Variants in HEATR5B observed in about 807,000 individuals in gnomAD.
HEATR5B encodes HEAT repeat containing 5B.
A neutral mutation model predicts 224.1 loss-of-function variants in HEATR5B; 156 were observed. That is an observed-to-expected ratio of 0.70 (90% confidence interval 0.61 to 0.80). The LOEUF is 0.80. Ranked by LOEUF, HEATR5B falls within the 30% of genes least tolerant of loss-of-function variation. The pLI is 0.00. For synonymous variants in HEATR5B, 1,027 were observed against 893.0 expected (o/e 1.15, Z -2.68); for missense variants, 2,323 against 2,535.5 (o/e 0.92, Z 1.80).
rs1219389762 is a variant in HEATR5B at position 37,002,468 on chromosome 2, G to A, written c.5155C>T (p.Leu1719=). The change falls in exon 32 of 36, where the codon CTG becomes TTG. Residue 1719 remains leucine (L), a synonymous_variant. Coordinates refer to ENST00000233099, the MANE Select transcript of HEATR5B (RefSeq NM_019024.3). The part of the protein sequence containing the change: ...KSLVFATMEL[L]MFILVRHMPH... The stretch of plus-strand genomic sequence containing the variant: ...ATATGCCGTACTAAAATGAACATCA[G>A]CAGCTCCATAGTTGCAAACACAAGA... 5.0e-6 allele frequency: 8 copies of A among 1,614,074 alleles called. No homozygotes were observed. Among genetic ancestry groups the A allele is most frequent in the South Asian group, 1.1e-5 (1 of 91,092 alleles).
At chr2:37,070,205 T>C (rs751239430) in intron 7 of HEATR5B, 25 bp downstream of exon 7, 1 of 1,612,032 alleles carries the variant, frequency 6.2e-7, no homozygotes, top group Non-Finnish European at 8.5e-7. Context: ...TGGCCAAAAT[T>C]CTTTCACACA....
chr2:36,996,313 CCT>C (rs1219228875), intron 33 of HEATR5B, among the ~76,000 whole-genome samples: 1 of 151,986 alleles, frequency 6.6e-6, no homozygotes, highest in Non-Finnish European at 1.5e-5. Context: ...CCTGCCTTGG[CCT>C]CTCAAAGTGT....
Position 36,981,462 on chromosome 2 carries a change from C to T in HEATR5B, c.*28G>A. The T allele has an allele frequency of 6.4e-7, 1 of 1,567,318 alleles. No homozygotes were observed. Among genetic ancestry groups the T allele is most frequent in the Non-Finnish European group, 8.7e-7 (1 of 1,151,372 alleles). ...TCACTAATTAGGGGCTAGTTGACAA[C>T]ATAAATACAAATAAATGAAATTACA... On this transcript the variant is annotated 3_prime_UTR_variant, in exon 36 of 36. Coordinates refer to ENST00000233099, the MANE Select transcript of HEATR5B (RefSeq NM_019024.3).
intron 30 of HEATR5B, among the ~76,000 whole-genome samples, 195 bp from the exon 31 acceptor site, chr2:37,003,881 G>A (rs909265197): frequency 6.6e-6 from 1 of 152,050 alleles, no homozygotes; most frequent in African/African-American, 2.4e-5. Context: ...GTATTTTCAA[G>A]CAACAAATGA....
At chr2:36,991,546 G>C (rs994170067) in intron 33 of HEATR5B, among the ~76,000 whole-genome samples, 1 of 148,508 alleles carries the variant, frequency 6.7e-6, no homozygotes, top group African/African-American at 2.5e-5. Context: ...AGTGTTCTAA[G>C]AATTTTAAGG....
At chr2:37,065,278 C>G (rs539942237) in intron 9 of HEATR5B, among the ~76,000 whole-genome samples, 1 of 151,824 alleles carries the variant, frequency 6.6e-6, no homozygotes, top group Non-Finnish European at 1.5e-5. Context: ...GATTTCTGTT[C>G]CAAAACTTTA....
At chr2:37,068,559 A>G (rs1671719407) in intron 8 of HEATR5B, 122 bp downstream of exon 8, 1 of 1,073,798 alleles carries the variant, frequency 9.3e-7, no homozygotes, top group Middle Eastern at 3.1e-4. Flanking sequence ...AGTACTCAAT[A>G]AAAATCACTA....
Position 37,079,106 on chromosome 2 carries a change from A to G in HEATR5B, c.338+14T>C, listed in dbSNP as rs769395227. On this transcript the variant is annotated intron_variant, in intron 3 of 35. Coordinates refer to ENST00000233099, the MANE Select transcript of HEATR5B (RefSeq NM_019024.3). ...AATAAAACTTCAAGGGCCCCTATTA[A>G]AGTAAGTACTTACAATTTTGTTGGT... is the stretch of plus-strand genomic sequence containing the variant. 346 of 1,503,128 alleles carry G rather than the reference A, an allele frequency of 2.3e-4. 2 individuals are homozygous for G. Among genetic ancestry groups the G allele is most frequent in the Non-Finnish European group, 8.3e-5 (91 of 1,091,878 alleles). The allele number at this position is 1,503,128 out of a possible 1,614,324, so 93.1% of individuals were successfully genotyped here.
intron 2 of HEATR5B, among the ~76,000 whole-genome samples, chr2:37,082,503 G>T (rs1022512094): frequency 6.6e-6 from 1 of 152,194 alleles, no homozygotes; most frequent in African/African-American, 2.4e-5. Flanking sequence ...ACATGTTCAT[G>T]ATGGCCATAA....
Position 37,065,007 on chromosome 2 carries a change from C to A in HEATR5B, c.1334-17G>T. 6.2e-7 allele frequency: 1 copy of A among 1,609,412 alleles called. No individual in the cohort carries two copies. Among genetic ancestry groups the A allele is most frequent in the South Asian group, 1.1e-5 (1 of 90,892 alleles). ...CCAAAAGCCCTAAACAAGAAATACT[C>A]AAAATATTACTCTTTAATGAAGTCA... On this transcript the variant is annotated splice_polypyrimidine_tract_variant and intron_variant, in intron 9 of 35. Coordinates refer to ENST00000233099, the MANE Select transcript of HEATR5B (RefSeq NM_019024.3).
chr2:37,029,055 A>G, intron 22 of HEATR5B, 135 bp from the exon 23 acceptor site: 2 of 751,270 alleles, frequency 2.7e-6, no homozygotes, highest in Non-Finnish European at 2.1e-6. Flanking sequence ...CAATTTAACT[A>G]TGGCCTCTAG....
intron 24 of HEATR5B, among the ~76,000 whole-genome samples, chr2:37,021,886 CAAAAA>C (rs3080799): frequency 7.9e-6 from 1 of 126,484 alleles, no homozygotes. Context: ...GACCCTGTTT[CAAAAA>C]AAAAAAAAAA....
intron 21 of HEATR5B, among the ~76,000 whole-genome samples, chr2:37,033,730 C>T (rs1295825576): frequency 1.3e-5 from 2 of 152,156 alleles, no homozygotes; most frequent in Non-Finnish European, 2.9e-5. Context: ...TCACTTATTC[C>T]TGTGACACCT....
intron 7 of HEATR5B, among the ~76,000 whole-genome samples, chr2:37,069,293 G>A (rs958284721): frequency 2.0e-5 from 3 of 152,086 alleles, no homozygotes; most frequent in East Asian, 1.9e-4. Context: ...CCTTACGTAC[G>A]ACTTTTTCTG....
Position 37,038,013 on chromosome 2 carries a change from T to C in HEATR5B, c.3058A>G (p.Thr1020Ala), listed in dbSNP as rs1471223223. ...VGPELQGNGA[T>A]TSTIRSSCLV... ...CAAGAGGAACGAATTGTAGAAGTTG[T>C]TGCTCCATTCCCTGGTGCAAAATGA... Residue 1020 changes from threonine to alanine, a missense_variant, in exon 21 of 36, where the codon ACA becomes GCA. Physicochemically the swap from Thr to Ala is moderately conservative, Grantham distance 58. Coordinates refer to ENST00000233099, the MANE Select transcript of HEATR5B (RefSeq NM_019024.3). The C allele has an allele frequency of 1.3e-6, 2 of 1,534,156 alleles. No homozygotes were observed. The highest frequency in any genetic ancestry group is 8.8e-7 in the Non-Finnish European group (1 of 1,135,090).
intron 27 of HEATR5B, among the ~76,000 whole-genome samples, chr2:37,012,616 C>T (rs1272424710): frequency 3.3e-5 from 5 of 152,158 alleles, no homozygotes; most frequent in Admixed American, 3.3e-4. Flanking sequence ...TCTCGAACTC[C>T]TGACCTCAGG....
intron 14 of HEATR5B, among the ~76,000 whole-genome samples, chr2:37,057,703 C>G (rs1482264166): frequency 6.6e-6 from 1 of 151,892 alleles, no homozygotes; most frequent in Non-Finnish European, 1.5e-5. Context: ...TTTAAAATAA[C>G]CAAAAAACTC....
At chr2:37,049,959 C>T in intron 17 of HEATR5B, 116 bp from the exon 18 acceptor site, 1 of 971,358 alleles carries the variant, frequency 1.0e-6, no homozygotes, top group Non-Finnish European at 1.4e-6. Flanking sequence ...GGCACAATCA[C>T]TGCTCACTAC....
At chr2:37,043,148 C>T (rs948187075) in intron 18 of HEATR5B, among the ~76,000 whole-genome samples, 1 of 152,186 alleles carries the variant, frequency 6.6e-6, no homozygotes, top group Non-Finnish European at 1.5e-5. Flanking sequence ...CCCAAATCAG[C>T]TGCGGACAAG....
Sources: gnomAD v4.1 joint callset for allele counts (sites outside exome capture counted in the v4.1 genomes callset) on GRCh38, gnomAD v4.1.1 for gene constraint, MANE v1.5 for transcripts, NCBI Gene and HGNC (gene_info 2026-07-23, HGNC 2026-07-21) for gene names.